The following UBR2 variants were observed in gnomAD, a reference collection of about 807,000 sequenced individuals.
UBR2 encodes the protein E3 ubiquitin-protein ligase UBR2.
Under a neutral mutation model 247.9 loss-of-function variants are expected in UBR2, and 92 were observed. That is an observed-to-expected ratio of 0.37 (90% CI 0.31 to 0.44). The LOEUF is 0.44. UBR2 is among the 20% of genes least tolerant of loss of function. The pLI is 1.00. For synonymous variants in UBR2, 672 were observed against 693.5 expected (o/e 0.97, Z 0.49); for missense variants, 1,613 against 2,112.6 (o/e 0.76, Z 4.64).
In UBR2 at chr6:42,674,420, G is replaced by A. The variant is rs974254695; in HGVS notation, c.4251+227G>A. Among the ~76,000 whole-genome samples the A allele has an allele frequency of 2.6e-5, 4 of 152,264 alleles. No individual in the cohort carries two copies. In the East Asian group the frequency reaches 7.7e-4, roughly 29 times the overall value. ...CTGACTCTTATTTTGCTTTATGGCT[G>A]AGGTTAGTATTTTAACCTCTCTGTG... On this transcript the variant is annotated intron_variant, in intron 38 of 46. Coordinates refer to ENST00000372901, the MANE Select transcript of UBR2 (RefSeq NM_001363705.2).
chr6:42,615,474 A>T (rs1794484883), intron 9 of UBR2, among the ~76,000 whole-genome samples: 1 of 152,112 alleles, frequency 6.6e-6, no homozygotes, highest in Admixed American at 6.6e-5. Flanking sequence ...AAGGGACAGG[A>T]TCTCACTCTG....
At chr6:42,674,427 G>C (rs1044211778) in intron 38 of UBR2, among the ~76,000 whole-genome samples, 3 of 152,170 alleles carry the variant, frequency 2.0e-5, no homozygotes, top group Non-Finnish European at 4.4e-5. Context: ...GCTGAGGTTA[G>C]TATTTTAACC....
chr6:42,681,643 G>A (rs1799063078), intron 42 of UBR2, among the ~76,000 whole-genome samples: 1 of 152,162 alleles, frequency 6.6e-6, no homozygotes, highest in African/African-American at 2.4e-5. Context: ...GTATCCTTGT[G>A]CATGGGATAT....
At chr6:42,680,596 G>A (rs1213588431) in intron 42 of UBR2, among the ~76,000 whole-genome samples, 2 of 152,146 alleles carry the variant, frequency 1.3e-5, no homozygotes, top group African/African-American at 4.8e-5. Context: ...GATTTTTAAA[G>A]CTGAAAGAAC....
intron 34 of UBR2, among the ~76,000 whole-genome samples, chr6:42,667,202 G>A (rs1798155079): frequency 6.6e-6 from 1 of 152,072 alleles, no homozygotes; most frequent in African/African-American, 2.4e-5. Context: ...CAGGCGTGGT[G>A]GTGCACGCTT....
intron 10 of UBR2, among the ~76,000 whole-genome samples, chr6:42,616,993 T>C (rs1228047934): frequency 3.3e-5 from 5 of 152,200 alleles, no homozygotes; most frequent in Non-Finnish European, 7.3e-5. Context: ...GCTTAGTAGC[T>C]GTTACTGCCT....
intron 36 of UBR2, among the ~76,000 whole-genome samples, chr6:42,671,061 TATA>T (rs1798394330): frequency 6.6e-6 from 1 of 151,772 alleles, no homozygotes; most frequent in African/African-American, 2.4e-5. Flanking sequence ...GGCGCATGCC[TATA>T]GTCCCAGCTA....
At chr6:42,645,788 C>A (rs573123300) in intron 21 of UBR2, among the ~76,000 whole-genome samples, 198 bp downstream of exon 21, 1 of 152,164 alleles carries the variant, frequency 6.6e-6, no homozygotes, top group Admixed American at 6.5e-5. Context: ...GTAATAGAAT[C>A]TTTTACAATA....
At chr6:42,617,719 CT>C (rs1416385512) in intron 11 of UBR2, among the ~76,000 whole-genome samples, 2 of 152,200 alleles carry the variant, frequency 1.3e-5, no homozygotes, top group Admixed American at 1.3e-4. Flanking sequence ...TTAATTTATA[CT>C]TTCTCTTCAG....
At position 42,683,178 on chromosome 6, in the gene UBR2, A is replaced by G. The variant is rs1799157276; in HGVS notation, c.4775+67A>G. 7 of 1,333,434 alleles carry G rather than the reference A, an allele frequency of 5.2e-6. No individual in the cohort carries two copies. The East Asian group carries it at 1.4e-4, about 27-fold the overall frequency. 82.6% of individuals were successfully genotyped at this position (1,333,434 alleles called of 1,614,324 possible). ...AGGGTGGAATCAGGATATAAGTGCT[A>G]TATTCCTTCAGAAACTGACTTCTCA... On this transcript the variant is annotated intron_variant, in intron 43 of 46. Coordinates refer to ENST00000372901, the MANE Select transcript of UBR2 (RefSeq NM_001363705.2).
chr6:42,603,289 GT>G (rs1306162309), intron 4 of UBR2, among the ~76,000 whole-genome samples: 1 of 152,204 alleles, frequency 6.6e-6, no homozygotes, highest in Non-Finnish European at 1.5e-5. Context: ...TTGATGTTAA[GT>G]TTTTGAGATC....
chr6:42,653,809 G>T (rs1025333506), intron 25 of UBR2, among the ~76,000 whole-genome samples: 1 of 151,618 alleles, frequency 6.6e-6, no homozygotes, highest in East Asian at 1.9e-4. Flanking sequence ...TAGAGACAGG[G>T]TTTCACCACG....
At position 42,689,283 on chromosome 6, in the gene UBR2, C is replaced by T. The variant is rs1799617982; in HGVS notation, c.5025-286C>T. On this transcript the variant is annotated intron_variant, in intron 45 of 46. Transcript: ENST00000372901. This position sits in a 1 kb window ranked among gnomAD's most constrained non-coding sequence, Gnocchi z 4.0. ...TTGTATCCATAGCTTAGTCATCCCC[C>T]CAGTACCTTGATAATTTCTTATACG... 6.6e-6 allele frequency among the ~76,000 whole-genome samples: 1 copy of T among 152,136 alleles called. No homozygotes were observed. The highest frequency in any genetic ancestry group is 6.5e-5 in the Admixed American group (1 of 15,274).
chr6:42,620,706 C>T (rs1794933216), intron 11 of UBR2, among the ~76,000 whole-genome samples: 1 of 151,954 alleles, frequency 6.6e-6, no homozygotes, highest in Non-Finnish European at 1.5e-5. Context: ...CCGCCTGCCT[C>T]AGCCTCTCAA....
intron 9 of UBR2, 76 bp downstream of exon 9, chr6:42,615,254 G>T: frequency 8.8e-7 from 1 of 1,137,724 alleles, no homozygotes; most frequent in South Asian, 1.7e-5. Context: ...TTTATCATTT[G>T]GGAAGATATT....
rs1353050930 is a variant in UBR2, at chr6:42,650,396, A to T, written c.2565+10A>T. 3 of 1,599,006 alleles carry T rather than the reference A, an allele frequency of 1.9e-6. No homozygotes were observed. Among genetic ancestry groups the T allele is most frequent in the Non-Finnish European group, 8.6e-7 (1 of 1,168,904 alleles). ...GGCAGAACAGTCCAAGGTAATTGGG[A>T]AAATTAAAAATGTAGCAGGGAAGGA... is the stretch of plus-strand genomic sequence containing the variant. On this transcript the variant is annotated intron_variant, in intron 23 of 46. Transcript: ENST00000372901.
intron 13 of UBR2, among the ~76,000 whole-genome samples, chr6:42,633,822 C>T (rs1211169150): frequency 3.3e-5 from 5 of 152,170 alleles, no homozygotes; most frequent in African/African-American, 1.2e-4. Context: ...CCTCCGCCTC[C>T]TGGGTTCAAG....
intron 2 of UBR2, among the ~76,000 whole-genome samples, chr6:42,585,300 A>G (rs1383756402): frequency 6.6e-6 from 1 of 151,974 alleles, no homozygotes; most frequent in Non-Finnish European, 1.5e-5. Context: ...CTCTATTATC[A>G]TGAATTATAA....
intron 2 of UBR2, among the ~76,000 whole-genome samples, chr6:42,578,336 G>A (rs1468596016): frequency 6.6e-6 from 1 of 152,078 alleles, no homozygotes; most frequent in Admixed American, 6.6e-5. Context: ...GCAAATAAAT[G>A]CTTTGTCTCA....
Sources: allele counts gnomAD v4.1 joint callset (sites outside exome capture counted in the v4.1 genomes callset), GRCh38; gene constraint gnomAD v4.1.1; non-coding constraint Gnocchi (gnomAD v3.1); transcripts MANE v1.5; gene names NCBI Gene and HGNC (gene_info 2026-07-23, HGNC 2026-07-21).